Variants in CSMD1 observed in about 807,000 individuals in gnomAD.
CSMD1 encodes CUB and sushi domain-containing protein 1.
In CSMD1, 213 loss-of-function variants were observed where a neutral mutation model predicts 417.5. The ratio of observed to expected loss-of-function variants is 0.51; its 90% confidence interval spans 0.46 to 0.57. The LOEUF (loss-of-function observed/expected upper bound fraction) is 0.57, where lower values mean the gene tolerates loss of function less well. CSMD1 is among the 20% of genes least tolerant of loss of function. The pLI is 0.00. For missense variants in CSMD1, 6,923 were observed against 4,529.7 expected, an observed-to-expected ratio of 1.53 and a Z score of -15.17; for synonymous variants, 2,862 against 1,736.8, an observed-to-expected ratio of 1.65 and a Z score of -16.11.
chr8:3,216,440 T>G (rs1797884902), intron 29 of CSMD1, among the ~76,000 whole-genome samples: 1 of 152,224 alleles, frequency 6.6e-6, no homozygotes, highest in Non-Finnish European at 1.5e-5. Context: ...CATCTATTAA[T>G]GTATGTCTGT....
At chr8:3,729,470 C>T (rs1051158296) in intron 6 of CSMD1, among the ~76,000 whole-genome samples, 2 of 152,126 alleles carry the variant, frequency 1.3e-5, no homozygotes, top group Non-Finnish European at 2.9e-5. Flanking sequence ...ATTTCAAGTG[C>T]TTGAACATAG....
intron 3 of CSMD1, among the ~76,000 whole-genome samples, chr8:4,105,364 T>C (rs981229489): frequency 1.3e-5 from 2 of 152,214 alleles, no homozygotes; most frequent in African/African-American, 4.8e-5. Flanking sequence ...ATATGTGCTT[T>C]AGACATGTAA....
intron 2 of CSMD1, among the ~76,000 whole-genome samples, chr8:4,574,121 G>A (rs558031130): frequency 6.6e-6 from 1 of 152,008 alleles, no homozygotes. Flanking sequence ...CCCCTTTCCA[G>A]GGGAGTGAAC....
At chr8:3,962,325 AT>A (rs10718789) in intron 5 of CSMD1, among the ~76,000 whole-genome samples, 95,706 of 151,962 alleles carry the variant, frequency 0.63, 30,630 homozygotes, top group East Asian at 0.93. Context: ...GCAGTGACAG[AT>A]TATGCAGGAT....
intron 10 of CSMD1, among the ~76,000 whole-genome samples, chr8:3,571,981 C>G (rs1387602121): frequency 6.6e-6 from 1 of 152,156 alleles, no homozygotes; most frequent in East Asian, 1.9e-4. Flanking sequence ...AAAGCGCAGC[C>G]TTCCTAAACG....
rs1343902826 is a variant in CSMD1, at chr8:3,338,986, TC to T, written c.3631+4307del. On this transcript the variant is annotated intron_variant, in intron 23 of 69. Transcript: ENST00000635120. Reference sequence around the variant, plus strand: ...ATCTCCCGATGCTCTCCCTCCCCCCTCCCCCCACCCCACAACAGTCCCCTGA... The same window carrying T: ...ATCTCCCGATGCTCTCCCTCCCCCCTCCCCCACCCCACAACAGTCCCCTGA... Among the ~76,000 whole-genome samples the T allele has an allele frequency of 5.2e-3, 219 of 41,904 alleles. 1 individual carries two copies. Among genetic ancestry groups the T allele is most frequent in the African/African-American group, 0.019 (201 of 10,614 alleles). The allele number at this position is 41,904 out of a possible 152,430, so 27.5% of individuals were successfully genotyped here.
At chr8:3,458,122 C>A (rs893984601) in intron 12 of CSMD1, among the ~76,000 whole-genome samples, 5 of 152,174 alleles carry the variant, frequency 3.3e-5, no homozygotes, top group African/African-American at 1.2e-4. Context: ...ACCTCCGTGT[C>A]ATTTCCACTA....
chr8:3,412,829 T>G (rs1237706810), intron 12 of CSMD1, among the ~76,000 whole-genome samples: 2 of 152,236 alleles, frequency 1.3e-5, no homozygotes, highest in African/African-American at 2.4e-5. Context: ...TGGGATGCCT[T>G]GAATGAGCGT....
chr8:3,156,451 T>C (rs1032908436), intron 39 of CSMD1, among the ~76,000 whole-genome samples: 3 of 152,060 alleles, frequency 2.0e-5, no homozygotes, highest in African/African-American at 7.2e-5. Context: ...ACCAAAGCCT[T>C]TGGGGATTGT....
intron 23 of CSMD1, among the ~76,000 whole-genome samples, chr8:3,340,126 G>A (rs758188631): frequency 5.2e-4 from 79 of 152,116 alleles, no homozygotes; most frequent in Non-Finnish European, 8.5e-4. Context: ...ACCGAAAATC[G>A]TTGAAAATAA....
At chr8:4,849,053 G>A (rs1166182875) in intron 1 of CSMD1, among the ~76,000 whole-genome samples, 1 of 152,184 alleles carries the variant, frequency 6.6e-6, no homozygotes, top group African/African-American at 2.4e-5. Flanking sequence ...TATAGTCCCT[G>A]AAGACCTTCT....
At chr8:3,188,308 T>C (rs563005761) in intron 35 of CSMD1, among the ~76,000 whole-genome samples, 30 of 131,120 alleles carry the variant, frequency 2.3e-4, no homozygotes, top group African/African-American at 7.6e-4. Context: ...TCCTTTCTTT[T>C]TTTTTTTTTT....
chr8:3,737,043 T>C (rs556526402), intron 6 of CSMD1, among the ~76,000 whole-genome samples: 1 of 152,328 alleles, frequency 6.6e-6, no homozygotes, highest in East Asian at 1.9e-4. Flanking sequence ...CGTCCAATTA[T>C]AAAGTGCTTT....
intron 28 of CSMD1, among the ~76,000 whole-genome samples, 176 bp from the exon 29 acceptor site, chr8:3,219,618 A>G (rs1325332738): frequency 2.0e-5 from 3 of 152,350 alleles, no homozygotes; most frequent in East Asian, 3.9e-4. Context: ...TAGCAATAGT[A>G]TAAAATACAT....
At chr8:4,236,635 C>A (rs978456327) in intron 3 of CSMD1, among the ~76,000 whole-genome samples, 1 of 152,084 alleles carries the variant, frequency 6.6e-6, no homozygotes, top group East Asian at 1.9e-4. Context: ...AAGAATTCAG[C>A]CAAAATCAAT....
At chr8:3,820,151 T>G (rs1409460167) in intron 5 of CSMD1, among the ~76,000 whole-genome samples, 1 of 152,164 alleles carries the variant, frequency 6.6e-6, no homozygotes, top group Non-Finnish European at 1.5e-5. Context: ...CAGTTTAATT[T>G]GAATGCCTTG....
intron 3 of CSMD1, among the ~76,000 whole-genome samples, chr8:4,395,640 C>G (rs547399275): frequency 2.6e-5 from 4 of 151,774 alleles, no homozygotes; most frequent in African/African-American, 9.7e-5. Flanking sequence ...ATACTTCTAT[C>G]TAAATGTTTT....
In CSMD1 at chr8:3,021,918, C is replaced by G. The variant is rs1809445768; in HGVS notation, c.7856-3268G>C. The stretch of plus-strand genomic sequence containing the variant: ...CTGCAATCCCACAGCATCCAGAATG[C>G]ACAATCCCACAGCATCCGGAAAGCA... On this transcript the variant is annotated intron_variant, in intron 51 of 69. Transcript: ENST00000635120. Among the ~76,000 whole-genome samples the G allele has an allele frequency of 2.1e-5, 3 of 142,968 alleles. No homozygotes were observed. In the South Asian group the frequency reaches 7.0e-4, roughly 34 times the overall value. The allele number at this position is 142,968 out of a possible 152,430, so 93.8% of individuals were successfully genotyped here.
At chr8:4,185,858 T>C (rs923247160) in intron 3 of CSMD1, among the ~76,000 whole-genome samples, 1 of 152,146 alleles carries the variant, frequency 6.6e-6, no homozygotes, top group Non-Finnish European at 1.5e-5. Context: ...AGAGCAACCG[T>C]TCTTGTAGGC....
Sources: allele counts gnomAD v4.1 joint callset (sites outside exome capture counted in the v4.1 genomes callset), GRCh38; gene constraint gnomAD v4.1.1; transcripts MANE v1.5; gene names NCBI Gene and HGNC (gene_info 2026-07-23, HGNC 2026-07-21).